Variants in ASTN1 observed in about 807,000 individuals in gnomAD.
ASTN1 encodes astrotactin-1.
In ASTN1, 41 loss-of-function variants were observed where a neutral mutation model predicts 140.7. The observed-to-expected ratio is 0.29, with a 90% CI of 0.23 to 0.38. The LOEUF (loss-of-function observed/expected upper bound fraction) is 0.38, where lower values mean the gene tolerates loss of function less well. ASTN1 is among the 10% of genes least tolerant of loss of function. ASTN1 has a pLI of 1.00. For synonymous variants in ASTN1, 640 were observed against 652.2 expected (o/e 0.98, Z 0.29); for missense variants, 1,479 against 1,678.8 (o/e 0.88, Z 2.08).
intron 1 of ASTN1, among the ~76,000 whole-genome samples, chr1:177,084,392 C>A (rs1012471809): frequency 6.6e-6 from 1 of 152,182 alleles, no homozygotes; most frequent in East Asian, 1.9e-4. Flanking sequence ...GAGGTGCCAA[C>A]GAGTGTGTCC....
chr1:176,907,971 G>A (rs1251820494), intron 16 of ASTN1, among the ~76,000 whole-genome samples: 5 of 152,254 alleles, frequency 3.3e-5, no homozygotes, highest in South Asian at 2.1e-4. Context: ...GCATAACTGC[G>A]TGGTCCCTTT....
chr1:176,997,281 A>G (rs1035538293), intron 8 of ASTN1, among the ~76,000 whole-genome samples: 1 of 152,206 alleles, frequency 6.6e-6, no homozygotes, highest in African/African-American at 2.4e-5. Flanking sequence ...GTTAAGGCAC[A>G]GAGAACTTAT....
At chr1:176,877,825 G>T (rs1668626149) in intron 20 of ASTN1, among the ~76,000 whole-genome samples, 1 of 152,158 alleles carries the variant, frequency 6.6e-6, no homozygotes, top group Admixed American at 6.5e-5. Context: ...AGGGAGAGAG[G>T]TGAAAAGGAG....
At chr1:177,069,303 CT>C (rs1332628854) in intron 1 of ASTN1, among the ~76,000 whole-genome samples, 4 of 152,168 alleles carry the variant, frequency 2.6e-5, no homozygotes, top group Non-Finnish European at 5.9e-5. Flanking sequence ...CTCTCAGTGG[CT>C]CCCCGCTTTG....
chr1:177,049,566 G>A (rs754127757), intron 2 of ASTN1, among the ~76,000 whole-genome samples: 1 of 152,120 alleles, frequency 6.6e-6, no homozygotes, highest in Non-Finnish European at 1.5e-5. Context: ...GAAGGTCAAG[G>A]AGCTTGCCTG....
At chr1:177,147,155 G>A (rs1239018822) in intron 1 of ASTN1, among the ~76,000 whole-genome samples, 1 of 152,110 alleles carries the variant, frequency 6.6e-6, no homozygotes, top group East Asian at 1.9e-4. Context: ...TTTGCACCAT[G>A]ATTGTAAATA....
chr1:176,996,716 CAG>C (rs1449555358), intron 8 of ASTN1, among the ~76,000 whole-genome samples: 3 of 152,136 alleles, frequency 2.0e-5, no homozygotes, highest in African/African-American at 7.2e-5. Context: ...TGCTGGGAAA[CAG>C]AGTCTTTGAT....
chr1:176,912,406 T>G (rs751886747), intron 16 of ASTN1, among the ~76,000 whole-genome samples: 2 of 152,238 alleles, frequency 1.3e-5, no homozygotes, highest in African/African-American at 2.4e-5. Context: ...AATATTGTTT[T>G]TCTTTCTTAG....
chr1:177,019,376 T>C (rs1675706731), intron 7 of ASTN1, among the ~76,000 whole-genome samples: 1 of 152,206 alleles, frequency 6.6e-6, no homozygotes, highest in African/African-American at 2.4e-5. Context: ...TGGTCTCCCC[T>C]GACCTGGAAG....
intron 16 of ASTN1, among the ~76,000 whole-genome samples, chr1:176,918,990 T>TAAGTGCTACTCAG (rs1259844389): frequency 1.3e-5 from 2 of 152,236 alleles, no homozygotes; most frequent in African/African-American, 4.8e-5. Context: ...CATCTTGGCA[T>TAAGTGCTACTCAG]AAGTGCTACT....
At chr1:177,108,912 A>G (rs561310660) in intron 1 of ASTN1, among the ~76,000 whole-genome samples, 1 of 152,292 alleles carries the variant, frequency 6.6e-6, no homozygotes, top group East Asian at 1.9e-4. Context: ...GAGATCATCT[A>G]GGAAGAAAAG....
chr1:176,915,891 C>A (rs889296355), intron 16 of ASTN1, among the ~76,000 whole-genome samples: 1 of 152,168 alleles, frequency 6.6e-6, no homozygotes, highest in Non-Finnish European at 1.5e-5. Context: ...TAAAAGATAA[C>A]AAGAAAACAT....
intron 1 of ASTN1, among the ~76,000 whole-genome samples, chr1:177,143,580 T>C (rs1682567953): frequency 6.6e-6 from 1 of 152,182 alleles, no homozygotes; most frequent in African/African-American, 2.4e-5. Flanking sequence ...GATTCCGAAA[T>C]GTCATTCAAA....
At chr1:177,076,806 A>G (rs1423992417) in intron 1 of ASTN1, among the ~76,000 whole-genome samples, 1 of 152,132 alleles carries the variant, frequency 6.6e-6, no homozygotes, top group Non-Finnish European at 1.5e-5. Flanking sequence ...TACAGGCGTG[A>G]GCCACCACAC....
intron 16 of ASTN1, among the ~76,000 whole-genome samples, chr1:176,922,893 T>C (rs1421136623): frequency 6.6e-6 from 1 of 152,180 alleles, no homozygotes; most frequent in East Asian, 1.9e-4. Flanking sequence ...ATAATGCTAA[T>C]AATAATAGTA....
At chr1:177,133,476 CATA>C (rs1311513806) in intron 1 of ASTN1, among the ~76,000 whole-genome samples, 1 of 152,136 alleles carries the variant, frequency 6.6e-6, no homozygotes, top group Non-Finnish European at 1.5e-5. Flanking sequence ...ATGAATGCCC[CATA>C]ATCCCAAACT....
intron 7 of ASTN1, 21 bp from the exon 8 acceptor site, chr1:177,014,896 G>T: frequency 6.3e-7 from 1 of 1,583,470 alleles, no homozygotes; most frequent in Non-Finnish European, 8.7e-7. Flanking sequence ...GGGTAAGGAG[G>T]AAGAAAGAGA....
chr1:177,095,792 C>T (rs1680000729), intron 1 of ASTN1, among the ~76,000 whole-genome samples: 1 of 152,150 alleles, frequency 6.6e-6, no homozygotes, highest in East Asian at 1.9e-4. Flanking sequence ...CAGGGCCACC[C>T]TTGCAACTCC....
chr1:177,074,495 G>T (rs1304897920), intron 1 of ASTN1, among the ~76,000 whole-genome samples: 2 of 152,074 alleles, frequency 1.3e-5, no homozygotes, highest in Non-Finnish European at 2.9e-5. Context: ...ATTCAGGCTT[G>T]GTTTCTCTGT....
Sources: allele counts gnomAD v4.1 joint callset (sites outside exome capture counted in the v4.1 genomes callset), GRCh38; gene constraint gnomAD v4.1.1; transcripts MANE v1.5; gene names NCBI Gene and HGNC (gene_info 2026-07-23, HGNC 2026-07-21).